TXLNB: variants seen among roughly 807,000 people sequenced by gnomAD.
The protein encoded by TXLNB is taxilin beta.
Under a neutral mutation model 57.4 loss-of-function variants are expected in TXLNB, and 37 were observed. The observed-to-expected ratio is 0.64, with a 90% confidence interval of 0.50 to 0.85. The LOEUF (loss-of-function observed/expected upper bound fraction) is 0.85. TXLNB is among the 40% of genes least tolerant of loss of function. The pLI is 0.00. For synonymous variants in TXLNB, 302 were observed against 309.6 expected (o/e 0.98, Z 0.26); for missense variants, 848 against 825.6 (o/e 1.03, Z -0.33).
chr6:139,320,096 AT>A, the TXLNB span, among the ~76,000 whole-genome samples: 1 of 152,124 alleles, frequency 6.6e-6, no homozygotes, highest in Non-Finnish European at 1.5e-5. Flanking sequence ...TTAAAATCCA[AT>A]GTGGTATTAA....
intron 7 of TXLNB, among the ~76,000 whole-genome samples, chr6:139,248,726 GAGA>G (rs1421655387): frequency 3.9e-5 from 6 of 152,292 alleles, no homozygotes; most frequent in South Asian, 2.1e-4. Flanking sequence ...TGGGTGATCG[GAGA>G]AGGTGAGCAT....
the TXLNB span, among the ~76,000 whole-genome samples, chr6:139,193,242 T>TTTTTTTTA: frequency 4.5e-5 from 2 of 44,508 alleles, no homozygotes; most frequent in Admixed American, 4.9e-4. Flanking sequence ...TTTGACCCTC[T>TTTTTTTTA]TTTTTTTTTT....
At chr6:139,295,862 GA>G (rs974660657), upstream of TXLNB, among the ~76,000 whole-genome samples, 2 of 152,126 alleles carry the variant, frequency 1.3e-5, no homozygotes, top group Admixed American at 6.5e-5. Flanking sequence ...TCCTGGAGTT[GA>G]TAATTTCTTT....
At chr6:139,203,900 C>T in the TXLNB span, among the ~76,000 whole-genome samples, 3 of 152,076 alleles carry the variant, frequency 2.0e-5, no homozygotes, top group Admixed American at 6.5e-5. Context: ...AAAAATTCAT[C>T]GGTGTTCTGG....
At chr6:139,164,078 A>ACTCTCTCTCT in the TXLNB span, among the ~76,000 whole-genome samples, 697 of 78,620 alleles carry the variant, frequency 8.9e-3, 1 homozygote, top group Non-Finnish European at 0.013. Context: ...ACACACACAC[A>ACTCTCTCTCT]CACTCTCTCT....
the TXLNB span, among the ~76,000 whole-genome samples, chr6:139,227,577 A>G: frequency 4.6e-5 from 7 of 152,362 alleles, no homozygotes; most frequent in Middle Eastern, 3.4e-3. Context: ...TCCTACATAT[A>G]CACATAGGAA....
the TXLNB span, chr6:139,177,020 A>G: frequency 4.6e-6 from 4 of 872,826 alleles, no homozygotes; most frequent in Non-Finnish European, 8.0e-6. This position sits in a 1 kb window ranked among gnomAD's most constrained non-coding sequence, Gnocchi z 4.9. Context: ...GAATATAGCA[A>G]CGTCCAGCAG....
the TXLNB span, among the ~76,000 whole-genome samples, chr6:139,168,308 A>G: frequency 6.6e-6 from 1 of 152,062 alleles, no homozygotes; most frequent in Admixed American, 6.6e-5. Flanking sequence ...ACTAATGTGA[A>G]TATATATATT....
chr6:139,262,525 A>G (rs962928073), intron 5 of TXLNB, 54 bp downstream of exon 5: 23 of 1,444,816 alleles, frequency 1.6e-5, no homozygotes, highest in Non-Finnish European at 2.1e-5. Context: ...TCCCACCTTT[A>G]GCTCCCAGAT....
At chr6:139,304,594 C>G in the TXLNB span, among the ~76,000 whole-genome samples, 2 of 152,164 alleles carry the variant, frequency 1.3e-5, no homozygotes, top group Non-Finnish European at 2.9e-5. Flanking sequence ...AGGACAGAAC[C>G]AATCTTCAGA....
chr6:139,273,006 C>A (rs1203746362), intron 3 of TXLNB, among the ~76,000 whole-genome samples: 1 of 151,906 alleles, frequency 6.6e-6, no homozygotes, highest in East Asian at 1.9e-4. Context: ...TGCACTCCAG[C>A]CTGGGTGACA....
the TXLNB span, chr6:139,167,207 G>A: frequency 1.9e-6 from 3 of 1,614,134 alleles, no homozygotes; most frequent in Middle Eastern, 1.6e-4. Context: ...GGTAAACTGT[G>A]CCCTGTGCCA....
At chr6:139,273,237 T>C (rs1385808698) in intron 3 of TXLNB, among the ~76,000 whole-genome samples, 2 of 152,160 alleles carry the variant, frequency 1.3e-5, no homozygotes, top group Non-Finnish European at 2.9e-5. Context: ...CCCTAGCCCC[T>C]ACCTGCTATA....
rs141397713 is a variant in TXLNB, at chr6:139,285,417, T to G, written c.424+3059A>C. On this transcript the variant is annotated intron_variant, in intron 2 of 9. Coordinates refer to ENST00000358430, the MANE Select transcript of TXLNB (RefSeq NM_153235.4). ...ATTTTGTATATTGTCTTACGGAAAC[T>G]TGAATAATGACTAACTTTGCAAAGG... Among the ~76,000 whole-genome samples, 36 of 143,828 alleles carry G rather than the reference T, an allele frequency of 2.5e-4. 5 individuals carry two copies. The highest frequency in any genetic ancestry group is 8.7e-4 in the African/African-American group (34 of 39,054). 94.4% of individuals were successfully genotyped at this position (143,828 alleles called of 152,430 possible).
chr6:139,307,103 T>C, the TXLNB span, among the ~76,000 whole-genome samples: 25 of 152,346 alleles, frequency 1.6e-4, no homozygotes, highest in East Asian at 7.7e-4. Flanking sequence ...GATAAGCCTA[T>C]GGCTACATCT....
At chr6:139,183,609 AC>A in the TXLNB span, 1 of 152,228 alleles carries the variant, frequency 6.6e-6, no homozygotes, top group Non-Finnish European at 1.5e-5. Context: ...ACAGCCATGT[AC>A]ACTTTTACCA....
chr6:139,173,278 CA>C, the TXLNB span, among the ~76,000 whole-genome samples: 1 of 152,186 alleles, frequency 6.6e-6, no homozygotes, highest in African/African-American at 2.4e-5. Context: ...TCCATTTACC[CA>C]ACATACACTT....
the TXLNB span, among the ~76,000 whole-genome samples, chr6:139,181,244 CA>C: frequency 6.6e-6 from 1 of 152,248 alleles, no homozygotes; most frequent in Non-Finnish European, 1.5e-5. Flanking sequence ...TTGGTGAAAT[CA>C]AACTTACTAG....
At chr6:139,193,237 C>A in the TXLNB span, among the ~76,000 whole-genome samples, 1 of 54,026 alleles carries the variant, frequency 1.9e-5, no homozygotes, top group African/African-American at 7.6e-5. Flanking sequence ...CAGTCTTTGA[C>A]CCTCTTTTTT....
Sources: gnomAD v4.1 joint callset for allele counts (sites outside exome capture counted in the v4.1 genomes callset) on GRCh38, gnomAD v4.1.1 for gene constraint, Gnocchi (gnomAD v3.1) non-coding constraint, MANE v1.5 for transcripts, NCBI Gene and HGNC (gene_info 2026-07-23, HGNC 2026-07-21) for gene names.